GRAMD1B: variants seen among roughly 807,000 people sequenced by gnomAD.
The protein encoded by GRAMD1B is protein Aster-B.
GRAMD1B carries 37 observed loss-of-function variants against 99.7 expected under a neutral mutation model. The ratio of observed to expected loss-of-function variants is 0.37; its 90% confidence interval spans 0.29 to 0.49. GRAMD1B has a LOEUF of 0.49. GRAMD1B is among the 20% of genes least tolerant of loss of function. The probability of loss-of-function intolerance (pLI) is 0.98; values close to 1 mark genes in which losing one functional copy is unlikely to be tolerated. For missense variants in GRAMD1B, 888 were observed against 1,009.2 expected (o/e 0.88, Z 1.63); for synonymous variants, 427 against 387.6 (o/e 1.10, Z -1.19).
chr11:123,508,716 G>A (rs932055469), intron 2 of GRAMD1B, among the ~76,000 whole-genome samples: 2 of 150,010 alleles, frequency 1.3e-5, no homozygotes, highest in Admixed American at 1.3e-4. Flanking sequence ...GCAGAGTTTT[G>A]CTCTTGTTGC....
At chr11:123,472,914 C>T (rs1313758125) in intron 1 of GRAMD1B, among the ~76,000 whole-genome samples, 10 of 152,208 alleles carry the variant, frequency 6.6e-5, no homozygotes, top group Admixed American at 5.9e-4. Context: ...CTGGCATTCA[C>T]CCATGGAAGC....
At chr11:123,568,603 G>A (rs1217426152) in intron 2 of GRAMD1B, among the ~76,000 whole-genome samples, 2 of 152,194 alleles carry the variant, frequency 1.3e-5, no homozygotes, top group Admixed American at 1.3e-4. Flanking sequence ...GCATTTGTAG[G>A]AACTGTGACA....
At chr11:123,370,664 A>G (rs533367251) in intron 1 of GRAMD1B, among the ~76,000 whole-genome samples, 3 of 152,148 alleles carry the variant, frequency 2.0e-5, no homozygotes, top group Non-Finnish European at 4.4e-5. Context: ...GAGATAAATT[A>G]TATTTCCTCT....
chr11:123,576,271 T>C (rs1432834151), intron 2 of GRAMD1B, among the ~76,000 whole-genome samples: 1 of 151,920 alleles, frequency 6.6e-6, no homozygotes, highest in Non-Finnish European at 1.5e-5. Context: ...TGCAGGGGGG[T>C]CCAGGGTGTT....
At chr11:123,379,140 A>G (rs1946787167) in intron 1 of GRAMD1B, among the ~76,000 whole-genome samples, 1 of 152,212 alleles carries the variant, frequency 6.6e-6, no homozygotes, top group Non-Finnish European at 1.5e-5. Context: ...ATGTCTCCCA[A>G]ATTCTCGCTT....
intron 1 of GRAMD1B, among the ~76,000 whole-genome samples, chr11:123,368,293 G>C (rs1437698170): frequency 7.3e-6 from 1 of 136,396 alleles, no homozygotes; most frequent in African/African-American, 2.8e-5. Context: ...GAAAGAGGAG[G>C]GTCCCTAGAC....
intron 2 of GRAMD1B, chr11:123,560,434 G>C (rs940911128): frequency 1.7e-6 from 2 of 1,191,638 alleles, no homozygotes; most frequent in Admixed American, 7.0e-5. Context: ...ACAGCGGTGT[G>C]AAACAGCAGA....
rs1460999777 is a variant in GRAMD1B at position 123,431,085 on chromosome 11, C to T, written c.293C>T (p.Pro98Leu). The T allele has an allele frequency of 1.4e-6, 1 of 703,032 alleles. No individual in the cohort carries two copies. Among genetic ancestry groups the T allele is most frequent in the Non-Finnish European group, 2.6e-6 (1 of 384,992 alleles). 43.5% of individuals were successfully genotyped at this position (703,032 alleles called of 1,614,324 possible). ...ACCCCGTGGTCCAACTGCTCCACACCCAGCGCGTCCCCGCGCCGAAAACGC... is the reference window on the plus strand; with the variant it reads ...ACCCCGTGGTCCAACTGCTCCACACTCAGCGCGTCCCCGCGCCGAAAACGC... The part of the protein sequence containing the change: ...EDTPWSNCST[P>L]SASPRRKRFL... The change falls in exon 1 of 20, where the codon CCC (proline) becomes CTC (leucine). Residue 98 changes from proline (P) to leucine (L), a missense_variant. Around this residue, in one of 5 missense-constraint regions of GRAMD1B, gnomAD observed 233 missense variants for 154.6 expected, o/e 1.51. Transcript: ENST00000635736.
At chr11:123,516,750 T>G (rs866547478) in intron 2 of GRAMD1B, among the ~76,000 whole-genome samples, 1 of 152,246 alleles carries the variant, frequency 6.6e-6, no homozygotes, top group Non-Finnish European at 1.5e-5. Context: ...GATAAGCGTC[T>G]CTTAGAGACT....
chr11:123,550,405 A>G (rs1407925964), intron 2 of GRAMD1B, among the ~76,000 whole-genome samples: 2 of 152,114 alleles, frequency 1.3e-5, no homozygotes, highest in African/African-American at 4.8e-5. Context: ...AGACACACCC[A>G]CACACACTGA....
At chr11:123,389,017 A>G (rs1244128589) in intron 1 of GRAMD1B, among the ~76,000 whole-genome samples, 1 of 152,206 alleles carries the variant, frequency 6.6e-6, no homozygotes, top group Non-Finnish European at 1.5e-5. Flanking sequence ...CGATGTGCTG[A>G]CAATGGCACA....
chr11:123,558,573 G>A (rs945771692), intron 2 of GRAMD1B, among the ~76,000 whole-genome samples: 9 of 152,182 alleles, frequency 5.9e-5, no homozygotes, highest in Non-Finnish European at 1.2e-4. Context: ...ATAAGAGTAC[G>A]TGGGTGACCA....
intron 1 of GRAMD1B, among the ~76,000 whole-genome samples, chr11:123,468,810 A>AG (rs1337305985): frequency 1.3e-5 from 2 of 151,262 alleles, no homozygotes; most frequent in Non-Finnish European, 2.9e-5. Context: ...AAAAAAAAAA[A>AG]AAAAAGTAGT....
chr11:123,543,206 T>C (rs990992612), intron 2 of GRAMD1B, among the ~76,000 whole-genome samples: 4 of 152,186 alleles, frequency 2.6e-5, no homozygotes, highest in Non-Finnish European at 5.9e-5. Context: ...AACCATAGCC[T>C]CTCTGCCAGC....
intron 1 of GRAMD1B, among the ~76,000 whole-genome samples, chr11:123,416,357 T>C (rs1488508554): frequency 1.3e-5 from 2 of 152,162 alleles, no homozygotes; most frequent in East Asian, 3.8e-4. Context: ...CTAGTTCCTT[T>C]AGAAAAGGCA....
chr11:123,585,373 A>G (rs192783264), intron 4 of GRAMD1B, among the ~76,000 whole-genome samples: 1 of 152,200 alleles, frequency 6.6e-6, no homozygotes, highest in Admixed American at 6.5e-5. Context: ...CCTCAAAGTC[A>G]GGCATGTGCT....
intron 1 of GRAMD1B, among the ~76,000 whole-genome samples, chr11:123,359,397 A>G (rs1217876198): frequency 2.4e-5 from 3 of 125,162 alleles, no homozygotes; most frequent in African/African-American, 1.1e-4. Context: ...GGTGGAAGTG[A>G]GAGGTTCCAT....
At chr11:123,545,579 G>A (rs1004004071) in intron 2 of GRAMD1B, among the ~76,000 whole-genome samples, 2 of 152,162 alleles carry the variant, frequency 1.3e-5, no homozygotes, top group African/African-American at 4.8e-5. Context: ...ACGCTCTTGG[G>A]TAAGTTTCTC....
At chr11:123,532,029 G>A (rs1394464955) in intron 2 of GRAMD1B, among the ~76,000 whole-genome samples, 7 of 152,088 alleles carry the variant, frequency 4.6e-5, no homozygotes, top group East Asian at 1.9e-4. Context: ...GAGCCACCAC[G>A]CCCGTCCTGT....
Sources: gnomAD v4.1 joint callset for allele counts (sites outside exome capture counted in the v4.1 genomes callset) on GRCh38, gnomAD v4.1.1 for gene constraint, gnomAD v4.1.1 regional missense constraint, MANE v1.5 for transcripts, NCBI Gene and HGNC (gene_info 2026-07-23, HGNC 2026-07-21) for gene names.